Variants in COG5 observed in about 807,000 individuals in gnomAD.
COG5 encodes conserved oligomeric Golgi complex subunit 5.
A neutral mutation model predicts 110.4 loss-of-function variants in COG5; 86 were observed. The observed-to-expected ratio is 0.78, with a 90% confidence interval of 0.65 to 0.93. COG5 has a LOEUF of 0.93. COG5 is among the 40% of genes least tolerant of loss of function. The pLI is 0.00. For synonymous variants in COG5, 360 were observed against 334.6 expected (o/e 1.08, Z -0.83); for missense variants, 1,077 against 987.0 (o/e 1.09, Z -1.22).
intron 17 of COG5, among the ~76,000 whole-genome samples, chr7:107,240,575 GAA>G (rs1008566209): frequency 2.6e-5 from 4 of 152,208 alleles, no homozygotes; most frequent in Non-Finnish European, 4.4e-5. Context: ...AGTTAGACTT[GAA>G]GGTAAACTTT....
At chr7:107,240,524 CT>C (rs1010139529) in intron 17 of COG5, among the ~76,000 whole-genome samples, 1 of 152,140 alleles carries the variant, frequency 6.6e-6, no homozygotes, top group Non-Finnish European at 1.5e-5. Flanking sequence ...CCCATGATTA[CT>C]CTTTAAATAG....
intron 12 of COG5, among the ~76,000 whole-genome samples, chr7:107,286,254 T>C (rs763869569): frequency 3.5e-4 from 53 of 152,294 alleles, no homozygotes; most frequent in Non-Finnish European, 7.1e-4. Flanking sequence ...AGAAAACAGA[T>C]GGACGTCATG....
intron 6 of COG5, among the ~76,000 whole-genome samples, chr7:107,510,442 A>G (rs1439466549): frequency 6.6e-6 from 1 of 152,232 alleles, no homozygotes; most frequent in East Asian, 1.9e-4. Flanking sequence ...CCTACACAAT[A>G]ATAACGGGAG....
chr7:107,518,382 A>C (rs138880134), intron 6 of COG5, among the ~76,000 whole-genome samples: 1 of 152,338 alleles, frequency 6.6e-6, no homozygotes, highest in African/African-American at 2.4e-5. Flanking sequence ...ATAAAGAGTC[A>C]AGATCAACTG....
intron 7 of COG5, among the ~76,000 whole-genome samples, chr7:107,406,730 G>A (rs753890326): frequency 1.3e-4 from 20 of 152,026 alleles, no homozygotes; most frequent in Non-Finnish European, 2.2e-4. Context: ...TTTCAAAAAC[G>A]TTGGTACTGT....
At chr7:107,305,071 G>C (rs1336428674) in intron 11 of COG5, among the ~76,000 whole-genome samples, 2 of 152,168 alleles carry the variant, frequency 1.3e-5, no homozygotes, top group Non-Finnish European at 2.9e-5. Flanking sequence ...GAGACAGACA[G>C]GATGTGCTAT....
At chr7:107,549,945 A>T (rs540006144) in intron 3 of COG5, among the ~76,000 whole-genome samples, 2 of 152,310 alleles carry the variant, frequency 1.3e-5, no homozygotes, top group Admixed American at 1.3e-4. Flanking sequence ...ATACACATAC[A>T]TCTATGTAAA....
chr7:107,470,786 GTTACTTA>G (rs1330511598), intron 6 of COG5, among the ~76,000 whole-genome samples: 209 of 152,022 alleles, frequency 1.4e-3, no homozygotes, highest in African/African-American at 4.9e-3. Context: ...CTATTTTGCT[GTTACTTA>G]TTACTTAATT....
chr7:107,493,336 T>C (rs1056470456), intron 6 of COG5, among the ~76,000 whole-genome samples: 15 of 152,140 alleles, frequency 9.9e-5, no homozygotes, highest in Non-Finnish European at 1.8e-4. Flanking sequence ...TAAGATACTA[T>C]CCTTTAGCCT....
intron 7 of COG5, among the ~76,000 whole-genome samples, chr7:107,403,289 T>C (rs557386112): frequency 6.6e-6 from 1 of 152,288 alleles, no homozygotes; most frequent in Non-Finnish European, 1.5e-5. Context: ...GAGAAATTTA[T>C]TTTTTGCAGT....
At chr7:107,340,648 T>C (rs1811100135) in intron 10 of COG5, among the ~76,000 whole-genome samples, 1 of 152,028 alleles carries the variant, frequency 6.6e-6, no homozygotes, top group Non-Finnish European at 1.5e-5. Flanking sequence ...TACTAGCAAA[T>C]GGAATCCAAC....
intron 7 of COG5, among the ~76,000 whole-genome samples, chr7:107,376,714 G>T (rs991334744): frequency 2.6e-5 from 4 of 151,854 alleles, no homozygotes; most frequent in African/African-American, 9.7e-5. Context: ...AATAAGAGTG[G>T]TTTTTTTGCA....
At chr7:107,511,706 T>G (rs1799529239) in intron 6 of COG5, among the ~76,000 whole-genome samples, 1 of 152,192 alleles carries the variant, frequency 6.6e-6, no homozygotes, top group Non-Finnish European at 1.5e-5. Context: ...CATGATCAAG[T>G]GGGCTTCATC....
At chr7:107,325,295 T>C (rs1393165148) in intron 10 of COG5, among the ~76,000 whole-genome samples, 1 of 152,212 alleles carries the variant, frequency 6.6e-6, no homozygotes, top group Non-Finnish European at 1.5e-5. Flanking sequence ...TGGTATACAA[T>C]ATAATACTGC....
intron 6 of COG5, among the ~76,000 whole-genome samples, chr7:107,434,697 G>A (rs188327928): frequency 2.0e-4 from 31 of 152,270 alleles, no homozygotes; most frequent in Admixed American, 1.0e-3. Flanking sequence ...TTGGCTGGGC[G>A]CGGTGGCTCA....
At position 107,203,363 on chromosome 7, in the gene COG5, G is replaced by A; in HGVS notation, c.*153C>T. 2 of 682,064 alleles carry A rather than the reference G, an allele frequency of 2.9e-6. No homozygotes were observed. The highest frequency in any genetic ancestry group is 1.8e-5 in the African/African-American group (1 of 56,498). The allele number at this position is 682,064 out of a possible 1,614,324, so 42.3% of individuals were successfully genotyped here. Reference sequence around the variant, plus strand: ...CAACATTTTTTATGCTAAAGTATAAGTGCTAAAGAGGTAAATAAACGTCGA... The same window carrying A: ...CAACATTTTTTATGCTAAAGTATAAATGCTAAAGAGGTAAATAAACGTCGA... On this transcript the variant is annotated 3_prime_UTR_variant, in exon 22 of 22. Coordinates refer to ENST00000297135, the MANE Select transcript of COG5 (RefSeq NM_006348.5).
At chr7:107,396,366 A>G (rs765192400) in intron 7 of COG5, among the ~76,000 whole-genome samples, 27 of 152,178 alleles carry the variant, frequency 1.8e-4, no homozygotes, top group Non-Finnish European at 2.9e-4. Flanking sequence ...AGTACCTGTT[A>G]ACAATCAACA....
At chr7:107,390,700 CTT>C (rs1304600565) in intron 7 of COG5, among the ~76,000 whole-genome samples, 1 of 150,308 alleles carries the variant, frequency 6.7e-6, no homozygotes, top group African/African-American at 2.5e-5. Flanking sequence ...GGGGGTCACT[CTT>C]TGACTGGAAA....
At chr7:107,414,235 C>T (rs1438126726) in intron 6 of COG5, among the ~76,000 whole-genome samples, 1 of 152,110 alleles carries the variant, frequency 6.6e-6, no homozygotes, top group African/African-American at 2.4e-5. Context: ...CAGCATTACT[C>T]ACATCTTGAC....
Sources: gnomAD v4.1 joint callset for allele counts (sites outside exome capture counted in the v4.1 genomes callset) on GRCh38, gnomAD v4.1.1 for gene constraint, MANE v1.5 for transcripts, NCBI Gene and HGNC (gene_info 2026-07-23, HGNC 2026-07-21) for gene names.